Variants in FASN observed in about 807,000 individuals in gnomAD.
FASN encodes the protein fatty acid synthase.
In FASN, 50 loss-of-function variants were observed where a neutral mutation model predicts 250.0. The observed-to-expected ratio is 0.20, with a 90% CI of 0.16 to 0.25. The LOEUF (loss-of-function observed/expected upper bound fraction) is 0.25. Ranked by LOEUF, FASN falls within the 10% of genes least tolerant of loss-of-function variation. FASN has a pLI of 1.00. For synonymous variants in FASN, 1,909 were observed against 1,584.0 expected (o/e 1.21, Z -4.87); for missense variants, 3,031 against 3,498.5 (o/e 0.87, Z 3.37).
rs751877409 is a variant in FASN at position 82,085,054 on chromosome 17, G to A, written c.4390C>T (p.Pro1464Ser). ...TCCTACCGGAGGCGGTTCCCGCCGG[G>A]CTCTCGGCGGAGACAGTTCACCAAG... Reference protein sequence around the residue: ...VGLVNCLRREPGGNRLRCVLL... With the variant: ...VGLVNCLRRESGGNRLRCVLL... Residue 1464 changes from proline to serine, a missense_variant, in exon 25 of 43, where the codon CCC (proline) becomes TCC (serine). Physicochemically the swap from Pro to Ser is moderately conservative, Grantham distance 74. Transcript: ENST00000306749. The A allele has an allele frequency of 1.9e-5, 30 of 1,611,724 alleles. No homozygotes were observed. The highest frequency in any genetic ancestry group is 1.6e-4 in the Middle Eastern group (1 of 6,084).
At chr17:82,088,334 A>G in intron 16 of FASN, 27 bp from the exon 17 acceptor site, 1 of 1,609,824 alleles carries the variant, frequency 6.2e-7, no homozygotes, top group Non-Finnish European at 8.5e-7. Flanking sequence ...GCCTCAGCAC[A>G]GAGCGGGCGT....
intron 9 of FASN, 55 bp from the exon 10 acceptor site, chr17:82,091,124 C>T: frequency 6.2e-7 from 1 of 1,605,678 alleles, no homozygotes. Context: ...ACTGTGTGCC[C>T]ATCCCCGTCC....
rs138428651 is a variant in FASN at position 82,088,640 on chromosome 17, C to T, written c.2421-78G>A. The stretch of plus-strand genomic sequence containing the variant: ...CTGGGTTCAGCCCACCCACTGCCTG[C>T]GGTGGACCATCCAGGGCTGCTGCCA... On this transcript the variant is annotated intron_variant, in intron 15 of 42. Transcript: ENST00000306749. 8.8e-4 allele frequency: 1,341 copies of T among 1,525,332 alleles called. 4 individuals carry two copies. Among genetic ancestry groups the T allele is most frequent in the Non-Finnish European group, 1.1e-3 (1,235 of 1,111,724 alleles). The allele number at this position is 1,525,332 out of a possible 1,614,324, so 94.5% of individuals were successfully genotyped here.
In FASN at chr17:82,089,629, C is replaced by A; in HGVS notation, c.1965+3G>T. The A allele has an allele frequency of 6.3e-7, 1 of 1,596,758 alleles. No individual in the cohort carries two copies. The highest frequency in any genetic ancestry group is 2.3e-5 in the East Asian group (1 of 44,164). On this transcript the variant is annotated splice_donor_region_variant and intron_variant, in intron 12 of 42. Transcript: ENST00000306749. The stretch of plus-strand genomic sequence containing the variant: ...AGGAGCCCGCCCAGGCCGCAGCACC[C>A]ACCTGAGGTCCCGAGATGGTGACTG...
chr17:82,095,560 A>G (rs2034289741), intron 2 of FASN, 88 bp from the exon 3 acceptor site: 8 of 1,484,508 alleles, frequency 5.4e-6, no homozygotes, highest in Admixed American at 1.8e-5. Flanking sequence ...TGGAGGGGCC[A>G]TGGTGGAACT....
intron 10 of FASN, 116 bp downstream of exon 10, chr17:82,090,766 C>T: frequency 8.0e-7 from 1 of 1,253,264 alleles, no homozygotes. Context: ...GCACAAGGCT[C>T]TGCCTAGCAA....
chr17:82,087,197 T>C lies in FASN; in HGVS notation c.3280A>G (p.Ile1094Val), dbSNP rs1253745107. 3 of 1,606,824 alleles carry C rather than the reference T, an allele frequency of 1.9e-6. No individual in the cohort carries two copies. Among genetic ancestry groups the C allele is most frequent in the East Asian group, 2.2e-5 (1 of 44,680 alleles). ...GCCGACTCAGTGTGGAGCCCGGAGA[T>C]GTGGACGCCTCCGGCCACTGTGACC... ...LRVTVAGGVHISGLHTESAPR... is the reference protein window; with the variant it reads ...LRVTVAGGVHVSGLHTESAPR... Residue 1094 changes from isoleucine (I) to valine (V), a missense_variant, in exon 21 of 43, where the codon ATC (isoleucine) becomes GTC (valine). Ile to Val is a conservative substitution (Grantham distance 29). Coordinates refer to ENST00000306749, the MANE Select transcript of FASN (RefSeq NM_004104.5).
Position 82,083,375 on chromosome 17 carries a change from C to T in FASN, c.5392G>A (p.Ala1798Thr), listed in dbSNP as rs2034027102. 6.2e-7 allele frequency: 1 copy of T among 1,612,756 alleles called. No individual in the cohort carries two copies. Among genetic ancestry groups the T allele is most frequent in the Admixed American group, 1.7e-5 (1 of 60,006 alleles). ...NVTFHGVLLD[A>T]FFNESSADWR... ...TCAGCACTGCTCTCGTTGAAGAACG[C>T]ATCCAGTAGGACCCCGTGGAATGTC... Residue 1798 changes from alanine (A) to threonine (T), a missense_variant, in exon 32 of 43, where the codon GCG becomes ACG. Physicochemically the swap from Ala to Thr is moderately conservative, Grantham distance 58 (BLOSUM62 0). Transcript: ENST00000306749.
Position 82,084,237 on chromosome 17 carries a change from T to G in FASN, c.4916A>C (p.Asn1639Thr). The stretch of plus-strand genomic sequence containing the variant: ...CTCACACCCTCGACACACTCACCAG[T>G]TGGAAGGCACATCCCAGAGGAAGTC... ...SPDFLWDVPS[N>T]WTLEEAASVP... The change falls in exon 28 of 43, where the codon AAC (asparagine) becomes ACC (threonine). Residue 1639 changes from asparagine to threonine, a missense_variant. Transcript: ENST00000306749. 2.5e-6 allele frequency: 4 copies of G among 1,611,790 alleles called. No homozygotes were observed. The highest frequency in any genetic ancestry group is 3.4e-6 in the Non-Finnish European group (4 of 1,179,502).
At chr17:82,086,867 G>A (rs976728344) in intron 21 of FASN, among the ~76,000 whole-genome samples, 183 bp downstream of exon 21, 18 of 150,518 alleles carry the variant, frequency 1.2e-4, no homozygotes, top group Non-Finnish European at 2.2e-4. Flanking sequence ...GACCAGGGAC[G>A]AGGAAGGCTG....
In FASN at chr17:82,088,244, A is replaced by T. The variant is rs761731297; in HGVS notation, c.2657T>A (p.Phe886Tyr). 1.2e-5 allele frequency: 19 copies of T among 1,607,932 alleles called. No homozygotes were observed. In the East Asian group the frequency reaches 3.8e-4, roughly 32 times the overall value. Residue 886 changes from phenylalanine (F) to tyrosine (Y), a missense_variant, in exon 17 of 43, where the codon TTC becomes TAC. Physicochemically the swap from Phe to Tyr is conservative, Grantham distance 22. Transcript: ENST00000306749. Reference sequence around the variant, plus strand: ...TATGCTCAGGTAGCCAGTGGCGGGGAAGAGGACGCGACCGTCGAGGGTGTG... The same window carrying T: ...TATGCTCAGGTAGCCAGTGGCGGGGTAGAGGACGCGACCGTCGAGGGTGTG... ...VDHTLDGRVL[F>Y]PATGYLSIVW...
Position 82,084,221 on chromosome 17 carries a change from T to C in FASN, c.4919+13A>G. The C allele has an allele frequency of 6.2e-7, 1 of 1,611,236 alleles. No individual in the cohort carries two copies. The highest frequency in any genetic ancestry group is 8.5e-7 in the Non-Finnish European group (1 of 1,179,234). On this transcript the variant is annotated intron_variant, in intron 28 of 42. Transcript: ENST00000306749. ...CCACGTGGGGCCCAGGCTCACACCCTCGACACACTCACCAGTTGGAAGGCA... is the reference window on the plus strand; with the variant it reads ...CCACGTGGGGCCCAGGCTCACACCCCCGACACACTCACCAGTTGGAAGGCA...
rs1257788358 is a variant in FASN, at chr17:82,085,640, G to A, written c.3964C>T (p.Leu1322Phe). 6.3e-7 allele frequency: 1 copy of A among 1,595,058 alleles called. No homozygotes were observed. Among genetic ancestry groups the A allele is most frequent in the South Asian group, 1.1e-5 (1 of 88,236 alleles). The change falls in exon 23 of 43, where the codon CTC becomes TTC. Residue 1322 changes from leucine to phenylalanine, a missense_variant. Physicochemically the swap from Leu to Phe is conservative, Grantham distance 22. Coordinates refer to ENST00000306749, the MANE Select transcript of FASN (RefSeq NM_004104.5). ...CTGAGAGCTGAGGCCGGGTCCCCGA[G>A]GGCAGCCACAGCACAGTTGCACACC... ...LLVCNCAVAALGDPASALSNM... is the reference protein window; with the variant it reads ...LLVCNCAVAAFGDPASALSNM...
rs1381654031 is a variant in FASN, at chr17:82,089,736, A to G, written c.1871-10T>C. On this transcript the variant is annotated splice_polypyrimidine_tract_variant and intron_variant, in intron 11 of 42. Transcript: ENST00000306749. ...TCCTCCCAGGACAAGCCTATGGCAGAGCCAGCCTCAGAGGCTTAGCGTGGA... is the reference window on the plus strand; with the variant it reads ...TCCTCCCAGGACAAGCCTATGGCAGGGCCAGCCTCAGAGGCTTAGCGTGGA... 3 of 1,580,258 alleles carry G rather than the reference A, an allele frequency of 1.9e-6. No homozygotes were observed. The South Asian group carries it at 3.5e-5, about 18-fold the overall frequency.
In FASN at chr17:82,084,706, C is replaced by T; in HGVS notation, c.4575G>A (p.Glu1525=). ...RHFLLEEDKP[E]EPTAHAFVST... is the part of the protein sequence containing the mutation. ...TCACAAAGGCATGTGCCGTCGGCTCCTCAGGCTTGTCTAGGGAAACAGGGA... is the reference window on the plus strand; with the variant it reads ...TCACAAAGGCATGTGCCGTCGGCTCTTCAGGCTTGTCTAGGGAAACAGGGA... The change falls in exon 27 of 43, where the codon GAG becomes GAA. Residue 1525 remains glutamate (E), a synonymous_variant. Coordinates refer to ENST00000306749, the MANE Select transcript of FASN (RefSeq NM_004104.5). The T allele has an allele frequency of 6.4e-7, 1 of 1,563,752 alleles. No individual in the cohort carries two copies. The highest frequency in any genetic ancestry group is 1.2e-5 in the South Asian group (1 of 85,518).
chr17:82,088,365 G>C (rs373149859), intron 16 of FASN, 25 bp downstream of exon 16: 6 of 1,611,218 alleles, frequency 3.7e-6, no homozygotes, highest in Middle Eastern at 1.7e-4. Flanking sequence ...GGAAGAGTCT[G>C]CCCACCCGCC....
rs755080080 is a variant in FASN, at chr17:82,088,787, G to A, written c.2394C>T (p.Ala798=). ...CTGAGAGGTGCAGCCTGCCGATGCC[G>A]GCCAGGAAGAACTCCAGGTTGTCCC... The part of the protein sequence containing the change: ...DHRDNLEFFL[A]GIGRLHLSGI... Residue 798 remains alanine (A), a synonymous_variant, in exon 15 of 43, where the codon GCC becomes GCT. Coordinates refer to ENST00000306749, the MANE Select transcript of FASN (RefSeq NM_004104.5). 2.2e-5 allele frequency: 35 copies of A among 1,612,116 alleles called. No individual in the cohort carries two copies. Among genetic ancestry groups the A allele is most frequent in the South Asian group, 8.8e-5 (8 of 91,076 alleles).
chr17:82,086,639 C>T (rs1002352184), intron 21 of FASN, 81 bp from the exon 22 acceptor site: 27 of 1,050,562 alleles, frequency 2.6e-5, no homozygotes, highest in Non-Finnish European at 3.9e-5. Flanking sequence ...CCCACTCTGT[C>T]CTTCTGGGGC....
rs1568104600 is a variant in FASN, at chr17:82,080,877, T to C, written c.6641A>G (p.Gln2214Arg). ...CAGGGAGCGCAGGTTCAGCTGAGTC[T>C]GCTGCTGGGCCAGACCATCCTCCTT... is the stretch of plus-strand genomic sequence containing the variant. ...TPKEDGLAQQ[Q>R]TQLNLRSLLV... Residue 2214 changes from glutamine to arginine, a missense_variant, in exon 39 of 43, where the codon CAG becomes CGG. Gln to Arg is a conservative substitution (Grantham distance 43). Transcript: ENST00000306749. 1 of 1,611,256 alleles carries C rather than the reference T, an allele frequency of 6.2e-7. No homozygotes were observed. The highest frequency in any genetic ancestry group is 1.7e-5 in the Admixed American group (1 of 59,826).
Sources: allele counts gnomAD v4.1 joint callset (sites outside exome capture counted in the v4.1 genomes callset), GRCh38; gene constraint gnomAD v4.1.1; transcripts MANE v1.5; gene names NCBI Gene and HGNC (gene_info 2026-07-23, HGNC 2026-07-21).